CCDC6: variants seen among roughly 807,000 people sequenced by gnomAD.
CCDC6 encodes coiled-coil domain-containing protein 6.
In CCDC6, 20 loss-of-function variants were observed where a neutral mutation model predicts 56.6. That is an observed-to-expected ratio of 0.35 (90% CI 0.25 to 0.51). The LOEUF is 0.51. Among genes scored for constraint, CCDC6 ranks in the 20% least tolerant of loss-of-function variants. CCDC6 has a pLI of 0.95. For missense variants in CCDC6, 367 were observed against 601.1 expected (o/e 0.61, Z 4.07); for synonymous variants, 241 against 234.4 (o/e 1.03, Z -0.26).
chr10:59,830,058 T>C (rs1370520075), intron 3 of CCDC6, among the ~76,000 whole-genome samples: 1 of 152,186 alleles, frequency 6.6e-6, no homozygotes, highest in Non-Finnish European at 1.5e-5. Context: ...CACTCACCAT[T>C]CACATGCCCA....
At chr10:59,870,630 G>A (rs952305271) in intron 1 of CCDC6, among the ~76,000 whole-genome samples, 6 of 152,100 alleles carry the variant, frequency 3.9e-5, no homozygotes, top group African/African-American at 1.2e-4. Flanking sequence ...CTCCTGGACA[G>A]GTAGGTGGGG....
At chr10:59,870,116 C>T (rs1248873990) in intron 1 of CCDC6, among the ~76,000 whole-genome samples, 1 of 152,184 alleles carries the variant, frequency 6.6e-6, no homozygotes, top group Non-Finnish European at 1.5e-5. Context: ...GTCACCCCCA[C>T]CAGAATGTAG....
chr10:59,903,578 T>C (rs1258023799), intron 1 of CCDC6, among the ~76,000 whole-genome samples: 1 of 152,160 alleles, frequency 6.6e-6, no homozygotes, highest in Non-Finnish European at 1.5e-5. Context: ...AAGGCCACAA[T>C]CACCTTTAGT....
intron 1 of CCDC6, among the ~76,000 whole-genome samples, chr10:59,902,388 C>CCTTTTTTTTTTTT (rs2071509980): frequency 1.1e-5 from 1 of 88,422 alleles, no homozygotes. Flanking sequence ...AACAGTAACT[C>CCTTTTTTTTTTTT]TTTTTTTTTT....
chr10:59,898,823 G>A (rs2071482875), intron 1 of CCDC6, among the ~76,000 whole-genome samples: 1 of 152,168 alleles, frequency 6.6e-6, no homozygotes, highest in Non-Finnish European at 1.5e-5. Context: ...GGGGCAGAGA[G>A]GGGAGACCAG....
chr10:59,864,666 T>C (rs2071162183), intron 1 of CCDC6, among the ~76,000 whole-genome samples: 1 of 152,100 alleles, frequency 6.6e-6, no homozygotes, highest in Non-Finnish European at 1.5e-5. Context: ...CATTACTCTA[T>C]GGGTTAATGG....
intron 2 of CCDC6, among the ~76,000 whole-genome samples, chr10:59,833,833 T>C (rs942678551): frequency 6.6e-6 from 1 of 152,190 alleles, no homozygotes; most frequent in Non-Finnish European, 1.5e-5. Context: ...GTTCTTCACA[T>C]GCATTTAGAC....
At chr10:59,873,850 T>C (rs1301578373) in intron 1 of CCDC6, among the ~76,000 whole-genome samples, 6 of 152,206 alleles carry the variant, frequency 3.9e-5, no homozygotes, top group Non-Finnish European at 8.8e-5. Flanking sequence ...AGAACACATA[T>C]GTAGCTTTTA....
intron 1 of CCDC6, among the ~76,000 whole-genome samples, chr10:59,879,082 C>T (rs1195684293): frequency 1.3e-5 from 2 of 152,104 alleles, no homozygotes; most frequent in Non-Finnish European, 2.9e-5. Flanking sequence ...TATGATCATC[C>T]TCATTCAACA....
chr10:59,875,868 C>T (rs895893351), intron 1 of CCDC6, among the ~76,000 whole-genome samples: 1 of 152,042 alleles, frequency 6.6e-6, no homozygotes, highest in Non-Finnish European at 1.5e-5. Flanking sequence ...CCAAGCCTGC[C>T]ACATGACATT....
At chr10:59,799,236 G>A (rs565363541) in intron 7 of CCDC6, among the ~76,000 whole-genome samples, 1 of 152,012 alleles carries the variant, frequency 6.6e-6, no homozygotes, top group South Asian at 2.1e-4. Flanking sequence ...TTCAAGACCA[G>A]CCTGGTCAAC....
chr10:59,886,187 C>A (rs1180658), intron 1 of CCDC6, among the ~76,000 whole-genome samples: 96,639 of 151,942 alleles, frequency 0.64, 31,165 homozygotes, highest in East Asian at 0.85. Flanking sequence ...AAAATAAAAC[C>A]ACCAGATAAA....
chr10:59,895,555 T>C (rs60175860), intron 1 of CCDC6, among the ~76,000 whole-genome samples: 3,854 of 152,300 alleles, frequency 0.025, 165 homozygotes, highest in African/African-American at 0.088. Flanking sequence ...CCCCTTCCAA[T>C]AGTGCCTAAC....
At chr10:59,847,188 G>A (rs952031420) in intron 2 of CCDC6, among the ~76,000 whole-genome samples, 1 of 152,082 alleles carries the variant, frequency 6.6e-6, no homozygotes, top group Non-Finnish European at 1.5e-5. Context: ...AAGTAGCTGG[G>A]ACTACAGGTG....
chr10:59,806,872 C>G (rs1203575450), intron 6 of CCDC6, 50 bp downstream of exon 6: 17 of 1,573,324 alleles, frequency 1.1e-5, no homozygotes, highest in Non-Finnish European at 1.5e-5. Flanking sequence ...TCTGTAGAAC[C>G]TGGGTTTTAT....
At chr10:59,900,356 G>A (rs2071496374) in intron 1 of CCDC6, among the ~76,000 whole-genome samples, 1 of 152,154 alleles carries the variant, frequency 6.6e-6, no homozygotes, top group Non-Finnish European at 1.5e-5. Context: ...CAACTGACAA[G>A]GTAGAAAAGA....
intron 1 of CCDC6, among the ~76,000 whole-genome samples, chr10:59,898,847 CA>C (rs1191952276): frequency 6.6e-6 from 1 of 151,942 alleles, no homozygotes; most frequent in Non-Finnish European, 1.5e-5. Flanking sequence ...AATCTCCCAG[CA>C]AAAAACAAAT....
At chr10:59,844,446 A>G (rs1171096070) in intron 2 of CCDC6, among the ~76,000 whole-genome samples, 2 of 150,268 alleles carry the variant, frequency 1.3e-5, no homozygotes, top group Admixed American at 6.6e-5. Flanking sequence ...AAAAAGCTCC[A>G]TGGAAAAGAT....
intron 1 of CCDC6, among the ~76,000 whole-genome samples, chr10:59,854,349 C>T (rs923078373): frequency 3.9e-5 from 6 of 152,194 alleles, no homozygotes; most frequent in Admixed American, 3.9e-4. Flanking sequence ...TCTGATACTG[C>T]TTGCTGAGCA....
Sources: gnomAD v4.1 joint callset for allele counts (sites outside exome capture counted in the v4.1 genomes callset) on GRCh38, gnomAD v4.1.1 for gene constraint, MANE v1.5 for transcripts, NCBI Gene and HGNC (gene_info 2026-07-23, HGNC 2026-07-21) for gene names.